The following TMEM135 variants were observed in gnomAD, a reference collection of about 807,000 sequenced individuals.
TMEM135 encodes peroxisomal membrane protein 52.
A neutral mutation model predicts 60.3 loss-of-function variants in TMEM135; 30 were observed. The ratio of observed to expected loss-of-function variants is 0.50; its 90% CI spans 0.37 to 0.68. TMEM135 has a LOEUF of 0.68. TMEM135 is among the 30% of genes least tolerant of loss of function. TMEM135 has a pLI of 0.00. For synonymous variants in TMEM135, 190 were observed against 186.7 expected (o/e 1.02, Z -0.14); for missense variants, 468 against 548.8 (o/e 0.85, Z 1.47).
chr11:87,066,078 G>T (rs1856645166), intron 1 of TMEM135, among the ~76,000 whole-genome samples: 1 of 152,190 alleles, frequency 6.6e-6, no homozygotes, highest in African/African-American at 2.4e-5. Context: ...AGTAACAGAA[G>T]AATTGAGAAG....
At chr11:87,133,380 C>T (rs7949278) in intron 4 of TMEM135, among the ~76,000 whole-genome samples, 1 of 151,808 alleles carries the variant, frequency 6.6e-6, no homozygotes, top group South Asian at 2.1e-4. Flanking sequence ...TTTCTTCATG[C>T]TCCTTGGTAA....
rs541345157 is a variant in TMEM135, at chr11:87,062,786, A to G, written c.142-4908A>G. Among the ~76,000 whole-genome samples the G allele has an allele frequency of 2.0e-5, 3 of 152,230 alleles. No individual in the cohort carries two copies. In the South Asian group the frequency reaches 6.2e-4, roughly 32 times the overall value. On this transcript the variant is annotated intron_variant, in intron 1 of 14. Coordinates refer to ENST00000305494, the MANE Select transcript of TMEM135 (RefSeq NM_022918.4). ...CCATTTATTTTTAAAAAAATTACATAATTTTAGAAGTAGAAAAAATGAACA... is the reference window on the plus strand; with the variant it reads ...CCATTTATTTTTAAAAAAATTACATGATTTTAGAAGTAGAAAAAATGAACA...
chr11:87,113,098 C>G (rs897895416), intron 4 of TMEM135, among the ~76,000 whole-genome samples: 2 of 152,062 alleles, frequency 1.3e-5, no homozygotes, highest in Non-Finnish European at 2.9e-5. Context: ...GAATATGTCT[C>G]TAAGGCATGC....
Position 87,129,213 on chromosome 11 carries a change from A to ATTTTTTTTTT in TMEM135, c.397-28090_397-28081dup, listed in dbSNP as rs71040295. Among the ~76,000 whole-genome samples, 19 of 116,244 alleles carry ATTTTTTTTTT rather than the reference A, an allele frequency of 1.6e-4. 1 individual carries two copies. The highest frequency in any genetic ancestry group is 4.3e-4 in the East Asian group (2 of 4,604). The allele number at this position is 116,244 out of a possible 152,430, so 76.3% of individuals were successfully genotyped here. The stretch of plus-strand genomic sequence containing the variant: ...TTCTATACATGTTCCTTATTCCTTA[A>ATTTTTTTTTT]TTTTTTTTTTTTTTTTTTTTTTTTT... On this transcript the variant is annotated intron_variant, in intron 4 of 14. Coordinates refer to ENST00000305494, the MANE Select transcript of TMEM135 (RefSeq NM_022918.4).
intron 5 of TMEM135, among the ~76,000 whole-genome samples, chr11:87,228,606 C>A (rs553508531): frequency 2.0e-5 from 3 of 152,220 alleles, no homozygotes; most frequent in African/African-American, 7.2e-5. Context: ...GTTCACTACT[C>A]ACTAAGCACC....
chr11:87,212,824 G>T, intron 5 of TMEM135, among the ~76,000 whole-genome samples: 1 of 105,520 alleles, frequency 9.5e-6, no homozygotes, highest in Admixed American at 1.0e-4. Context: ...CCTGATTTTG[G>T]AAAAAAAAAA....
chr11:87,086,543 C>A (rs1857100180), intron 3 of TMEM135, among the ~76,000 whole-genome samples: 1 of 151,942 alleles, frequency 6.6e-6, no homozygotes, highest in Non-Finnish European at 1.5e-5. Context: ...GGTCCCCCAC[C>A]CCCACAGTTT....
chr11:87,047,286 TA>T (rs534418636), intron 1 of TMEM135, among the ~76,000 whole-genome samples: 2 of 151,588 alleles, frequency 1.3e-5, no homozygotes, highest in Non-Finnish European at 2.9e-5. Context: ...GCCAGATTGT[TA>T]AAAAAAAAGT....
chr11:87,071,899 T>C (rs1856778916), intron 3 of TMEM135, among the ~76,000 whole-genome samples: 1 of 152,156 alleles, frequency 6.6e-6, no homozygotes, highest in Non-Finnish European at 1.5e-5. Flanking sequence ...AATATGGCTA[T>C]GCAAATTCTA....
At chr11:87,208,628 T>C (rs902183699) in intron 5 of TMEM135, among the ~76,000 whole-genome samples, 5 of 152,186 alleles carry the variant, frequency 3.3e-5, no homozygotes, top group Non-Finnish European at 7.3e-5. Flanking sequence ...AGCAAGCAAC[T>C]TGGAAAACAT....
rs570026417 is a variant in TMEM135 at position 87,111,575 on chromosome 11, C to T, written c.396+20180C>T. On this transcript the variant is annotated intron_variant, in intron 4 of 14. Transcript: ENST00000305494. ...CTGAGGCAGGAGAATGGCGTGAACC[C>T]GGGAGGTGGAGCTTGCAGTGAGCTG... Among the ~76,000 whole-genome samples, 514 of 148,272 alleles carry T rather than the reference C, an allele frequency of 3.5e-3. 2 individuals carry two copies. Among genetic ancestry groups the T allele is most frequent in the African/African-American group, 0.012 (470 of 40,228 alleles).
chr11:87,135,508 A>T (rs2512339), intron 4 of TMEM135, among the ~76,000 whole-genome samples: 67,714 of 130,808 alleles, frequency 0.52, 16,101 homozygotes, highest in East Asian at 0.68. Flanking sequence ...TTTTTTTTTT[A>T]ACGGAATTAC....
At chr11:87,259,256 G>T in intron 6 of TMEM135, 1 of 429,480 alleles carries the variant, frequency 2.3e-6, no homozygotes, top group Middle Eastern at 4.1e-4. Context: ...CTGCGACAGC[G>T]GCCATGGCTG....
At chr11:87,107,197 T>C (rs1315825904) in intron 4 of TMEM135, among the ~76,000 whole-genome samples, 1 of 152,194 alleles carries the variant, frequency 6.6e-6, no homozygotes, top group African/African-American at 2.4e-5. Flanking sequence ...TCAGTCTTGG[T>C]AGGTTGTATG....
At chr11:87,251,777 G>A (rs1026973445) in intron 6 of TMEM135, among the ~76,000 whole-genome samples, 9 of 152,270 alleles carry the variant, frequency 5.9e-5, no homozygotes, top group South Asian at 2.1e-4. Context: ...ACTAAAACGC[G>A]TGAGCACCTA....
intron 6 of TMEM135, among the ~76,000 whole-genome samples, chr11:87,240,534 G>GA (rs11405325): frequency 0.66 from 100,091 of 151,794 alleles, 33,580 homozygotes; most frequent in Non-Finnish European, 0.71. Context: ...CAGTCATGTA[G>GA]AAAAGAGATC....
chr11:87,091,521 G>A (rs1211145728), intron 4 of TMEM135, 126 bp downstream of exon 4: 2 of 899,294 alleles, frequency 2.2e-6, no homozygotes, highest in Admixed American at 2.1e-5. Context: ...TGTGTTAATG[G>A]ATAGAATTAA....
intron 4 of TMEM135, among the ~76,000 whole-genome samples, chr11:87,116,764 T>C (rs1857895906): frequency 6.6e-6 from 1 of 152,226 alleles, no homozygotes; most frequent in Non-Finnish European, 1.5e-5. Flanking sequence ...TTTTTTGCTT[T>C]TCCAGTGCAT....
At chr11:87,059,797 A>G (rs1163188703) in intron 1 of TMEM135, among the ~76,000 whole-genome samples, 1 of 152,248 alleles carries the variant, frequency 6.6e-6, no homozygotes, top group East Asian at 1.9e-4. Context: ...TATATTTGTT[A>G]TCTTATTTAT....
Sources: gnomAD v4.1 joint callset for allele counts (sites outside exome capture counted in the v4.1 genomes callset) on GRCh38, gnomAD v4.1.1 for gene constraint, MANE v1.5 for transcripts, NCBI Gene and HGNC (gene_info 2026-07-23, HGNC 2026-07-21) for gene names.